The following ZNF141 variants were observed in gnomAD, a reference collection of about 807,000 sequenced individuals.
ZNF141 encodes the protein zinc finger protein 141 (clone pHZ-44).
ZNF141 carries 7 observed loss-of-function variants against 11.3 expected under a neutral mutation model. The observed-to-expected ratio is 0.62, with a 90% CI of 0.35 to 1.16. The LOEUF (loss-of-function observed/expected upper bound fraction) is 1.16. Ranked by LOEUF, ZNF141 falls within the 50% of genes most tolerant of loss-of-function variation. The pLI, the probability that ZNF141 is intolerant of heterozygous loss-of-function variation, is 0.02. For missense variants in ZNF141, 535 were observed against 554.0 expected (o/e 0.97, Z 0.34); for synonymous variants, 183 against 190.7 (o/e 0.96, Z 0.33).
rs1271779619 is a variant in ZNF141, at chr4:375,574, G to A, written c.*1712G>A. Among the ~76,000 whole-genome samples the A allele has an allele frequency of 6.6e-6, 1 of 151,870 alleles. No individual in the cohort carries two copies. The highest frequency in any genetic ancestry group is 2.4e-5 in the African/African-American group (1 of 41,384). On this transcript the variant is annotated 3_prime_UTR_variant, in exon 4 of 4. Transcript: ENST00000240499. ...ACTTTAGACACTGCAGTAAATCAGA[G>A]TATTAAGTATTAAAAAAATCCAAAG...
intron 3 of ZNF141, among the ~76,000 whole-genome samples, chr4:356,243 AAAAG>A (rs1172171437): frequency 6.5e-4 from 99 of 151,990 alleles, no homozygotes; most frequent in Non-Finnish European, 1.2e-3. Context: ...AAAAAAAAAA[AAAAG>A]AATAATACTA....
rs371353431 is a variant in ZNF141, at chr4:372,784, G to A, written c.347G>A (p.Gly116Asp). Residue 116 changes from glycine to aspartate, a missense_variant, in exon 4 of 4, where the codon GGC becomes GAC. Coordinates refer to ENST00000240499, the MANE Select transcript of ZNF141 (RefSeq NM_003441.4). Reference sequence around the variant, plus strand: ...CATGATAATTTACAATTAAGAAAAGGCTGTAAAAGTTTGAATGAGTGTAAG... The same window carrying A: ...CATGATAATTTACAATTAAGAAAAGACTGTAAAAGTTTGAATGAGTGTAAG... Reference protein sequence around the residue: ...CGHDNLQLRKGCKSLNECKLQ... With the variant: ...CGHDNLQLRKDCKSLNECKLQ... 2.5e-6 allele frequency: 4 copies of A among 1,613,172 alleles called. No homozygotes were observed. The highest frequency in any genetic ancestry group is 2.7e-5 in the African/African-American group (2 of 74,904).
At chr4:371,277 G>T (rs1712045943) in intron 3 of ZNF141, among the ~76,000 whole-genome samples, 1 of 150,194 alleles carries the variant, frequency 6.7e-6, no homozygotes, top group African/African-American at 2.4e-5. Flanking sequence ...TGTCACCCAG[G>T]CTGGAGTGCA....
At chr4:369,096 C>G (rs902759278) in intron 3 of ZNF141, among the ~76,000 whole-genome samples, 1 of 152,036 alleles carries the variant, frequency 6.6e-6, no homozygotes, top group Non-Finnish European at 1.5e-5. Flanking sequence ...TTACATTGCT[C>G]CCTATATCTT....
intron 3 of ZNF141, among the ~76,000 whole-genome samples, chr4:361,819 A>G (rs1475307067): frequency 6.6e-6 from 1 of 152,178 alleles, no homozygotes; most frequent in Non-Finnish European, 1.5e-5. Flanking sequence ...GCTATTGTGA[A>G]TAGTGCCGCA....
rs1553854884 is a variant in ZNF141, at chr4:377,818, A to G, written c.*3956A>G. 6.6e-6 allele frequency among the ~76,000 whole-genome samples: 1 copy of G among 152,240 alleles called. No individual in the cohort carries two copies. The highest frequency in any genetic ancestry group is 2.4e-5 in the African/African-American group (1 of 41,464). On this transcript the variant is annotated 3_prime_UTR_variant, in exon 4 of 4. Coordinates refer to ENST00000240499, the MANE Select transcript of ZNF141 (RefSeq NM_003441.4). ...TAAGTGGGTTGTATATTGTACCACC[A>G]TATGAAGAAACATCAGAATTTTGAA...
chr4:362,537 T>C (rs571092535), intron 3 of ZNF141, among the ~76,000 whole-genome samples: 53 of 152,340 alleles, frequency 3.5e-4, no homozygotes, highest in African/African-American at 1.2e-3. Flanking sequence ...CTTTAATCCA[T>C]CTTGAATTAA....
intron 3 of ZNF141, among the ~76,000 whole-genome samples, chr4:370,074 T>C (rs1553853376): frequency 6.6e-6 from 1 of 152,008 alleles, no homozygotes; most frequent in African/African-American, 2.4e-5. Flanking sequence ...CAAAATAATA[T>C]ATTTTAAACT....
rs3749521 is a variant in ZNF141, at chr4:337,877, G to C, written c.-107G>C. On this transcript the variant is annotated 5_prime_UTR_variant, in exon 1 of 4. Coordinates refer to ENST00000240499, the MANE Select transcript of ZNF141 (RefSeq NM_003441.4). ...GCTTCATCTCTCTGCGTTCTCAGTT[G>C]TGGGAGGCCTTGGTGATTCGGCCAC... 0.39 allele frequency: 566,634 copies of C among 1,445,406 alleles called. 112,873 individuals carry two copies. Among genetic ancestry groups the C allele is most frequent in the African/African-American group, 0.59 (39,921 of 67,932 alleles). The allele number at this position is 1,445,406 out of a possible 1,614,324, so 89.5% of individuals were successfully genotyped here.
At chr4:360,505 C>G (rs1253813368) in intron 3 of ZNF141, among the ~76,000 whole-genome samples, 1 of 152,122 alleles carries the variant, frequency 6.6e-6, no homozygotes, top group East Asian at 1.9e-4. Context: ...TTTTATGATA[C>G]GTCTGTATTA....
chr4:383,226 C>G lies in ZNF141; in HGVS notation c.*9364C>G. ...AGCCACCTAATTCACCAGCATCTAA[C>G]CACTCACACCTGAAGGAGCCAAACT... On this transcript the variant is annotated 3_prime_UTR_variant, in exon 4 of 4. Coordinates refer to ENST00000240499, the MANE Select transcript of ZNF141 (RefSeq NM_003441.4). 1.5e-6 allele frequency: 1 copy of G among 686,004 alleles called. No homozygotes were observed. Among genetic ancestry groups the G allele is most frequent in the Non-Finnish European group, 2.6e-6 (1 of 378,980 alleles). The allele number at this position is 686,004 out of a possible 1,614,324, so 42.5% of individuals were successfully genotyped here.
intron 1 of ZNF141, among the ~76,000 whole-genome samples, chr4:340,988 A>G (rs76813187): frequency 1.3e-5 from 2 of 152,268 alleles, no homozygotes; most frequent in African/African-American, 2.4e-5. Context: ...CAGGGTTGCA[A>G]TCTTCAAGCT....
intron 3 of ZNF141, chr4:358,162 T>G (rs1367981283): frequency 2.7e-5 from 11 of 412,942 alleles, no homozygotes; most frequent in South Asian, 1.8e-4. Context: ...ATGTATTTGG[T>G]TCTTTTTTAA....
At chr4:365,017 C>T (rs1444391992) in intron 3 of ZNF141, among the ~76,000 whole-genome samples, 1 of 152,332 alleles carries the variant, frequency 6.6e-6, no homozygotes, top group Non-Finnish European at 1.5e-5. Context: ...GCTTTGTTTA[C>T]TTACTCAAGC....
intron 3 of ZNF141, among the ~76,000 whole-genome samples, chr4:368,953 T>G (rs1711887833): frequency 6.6e-6 from 1 of 152,226 alleles, no homozygotes; most frequent in Non-Finnish European, 1.5e-5. Context: ...GAGATTGCAT[T>G]AAGGAATTTA....
chr4:351,285 G>T (rs1267381499), intron 3 of ZNF141, among the ~76,000 whole-genome samples: 1 of 151,074 alleles, frequency 6.6e-6, no homozygotes, highest in African/African-American at 2.4e-5. Context: ...TCAGGCTGGA[G>T]TACAGTGGCG....
rs1381192511 is a variant in ZNF141 at position 366,413 on chromosome 4, A to AT, written c.227-6249dup. On this transcript the variant is annotated intron_variant, in intron 3 of 3. Coordinates refer to ENST00000240499, the MANE Select transcript of ZNF141 (RefSeq NM_003441.4). ...AACCTCTGCCTCCTGGGTTCAAATG[A>AT]TTCTCCTGTCTCAACCTCCTGAGTA... Among the ~76,000 whole-genome samples, 5 of 152,284 alleles carry AT rather than the reference A, an allele frequency of 3.3e-5. No individual in the cohort carries two copies. The East Asian group carries it at 7.7e-4, about 23-fold the overall frequency.
In ZNF141 at chr4:374,311, C is replaced by G. The variant is rs557351755; in HGVS notation, c.*449C>G. 6 of 308,712 alleles carry G rather than the reference C, an allele frequency of 1.9e-5. No homozygotes were observed. Among genetic ancestry groups the G allele is most frequent in the African/African-American group, 1.3e-4 (6 of 45,514 alleles). The allele number at this position is 308,712 out of a possible 1,614,324, so 19.1% of individuals were successfully genotyped here. A position where few individuals can be genotyped will look rare whatever the true frequency, so the allele number is the denominator to read the frequency against. ...TTCACATGTGAACCGTGTGGCAAAG[C>G]CTTTAAATGGTCCTCAACCCTTAAT... On this transcript the variant is annotated 3_prime_UTR_variant, in exon 4 of 4. Coordinates refer to ENST00000240499, the MANE Select transcript of ZNF141 (RefSeq NM_003441.4).
rs145839665 is a variant in ZNF141, at chr4:379,092, G to A, written c.*5230G>A. ...GCTCCTGTCCTCGTGATCCACGCAC[G>A]TCAGCCTCCCAAAGTGCTGGGATTA... On this transcript the variant is annotated 3_prime_UTR_variant, in exon 4 of 4. Coordinates refer to ENST00000240499, the MANE Select transcript of ZNF141 (RefSeq NM_003441.4). Among the ~76,000 whole-genome samples, 3 of 151,912 alleles carry A rather than the reference G, an allele frequency of 2.0e-5. No individual in the cohort carries two copies. Among genetic ancestry groups the A allele is most frequent in the Non-Finnish European group, 2.9e-5 (2 of 67,924 alleles).
Sources: allele counts gnomAD v4.1 joint callset (sites outside exome capture counted in the v4.1 genomes callset), GRCh38; gene constraint gnomAD v4.1.1; transcripts MANE v1.5; gene names NCBI Gene and HGNC (gene_info 2026-07-23, HGNC 2026-07-21).